Variants in CFAP44 observed in about 807,000 individuals in gnomAD.
The protein encoded by CFAP44 is cilia and flagella associated protein 44.
Under a neutral mutation model 216.2 loss-of-function variants are expected in CFAP44, and 134 were observed. The observed-to-expected ratio is 0.62, with a 90% CI of 0.54 to 0.72. CFAP44 has a LOEUF of 0.72. Among genes scored for constraint, CFAP44 ranks in the 30% least tolerant of loss-of-function variants. The pLI is 0.00. For missense variants in CFAP44, 2,035 were observed against 2,182.1 expected (o/e 0.93, Z 1.34); for synonymous variants, 700 against 727.6 (o/e 0.96, Z 0.61).
chr3:113,359,801 G>C (rs938286096), intron 21 of CFAP44, among the ~76,000 whole-genome samples: 3 of 151,968 alleles, frequency 2.0e-5, no homozygotes, highest in Non-Finnish European at 2.9e-5. Context: ...CCACTAGCAG[G>C]TACATGGGGC....
At chr3:113,387,889 A>G (rs1933691391) in intron 15 of CFAP44, among the ~76,000 whole-genome samples, 1 of 152,078 alleles carries the variant, frequency 6.6e-6, no homozygotes, top group Admixed American at 6.6e-5. Flanking sequence ...CTTGAGTGAG[A>G]ATCAGCAATA....
At chr3:113,345,524 A>G (rs1438366909) in intron 22 of CFAP44, among the ~76,000 whole-genome samples, 1 of 152,060 alleles carries the variant, frequency 6.6e-6, no homozygotes, top group South Asian at 2.1e-4. Flanking sequence ...TTGCCCCTCA[A>G]TTTTCCATGT....
chr3:113,377,006 TAAC>T (rs1188912168), intron 17 of CFAP44, among the ~76,000 whole-genome samples: 4 of 152,294 alleles, frequency 2.6e-5, no homozygotes, highest in East Asian at 1.9e-4. Flanking sequence ...TCTCCAATTA[TAAC>T]AATAGGCAAA....
chr3:113,311,326 T>C (rs1427811050), intron 28 of CFAP44, among the ~76,000 whole-genome samples: 6 of 152,224 alleles, frequency 3.9e-5, no homozygotes. Context: ...ACTCCAATAA[T>C]GCCCACATGT....
At chr3:113,403,028 T>A (rs1383666884) in intron 9 of CFAP44, among the ~76,000 whole-genome samples, 1 of 151,954 alleles carries the variant, frequency 6.6e-6, no homozygotes, top group African/African-American at 2.4e-5. Flanking sequence ...GTGGGAGATA[T>A]GGGTTAAACA....
chr3:113,286,964 G>A lies in CFAP44; in HGVS notation c.*4593C>T, dbSNP rs1046511504. Reference sequence around the variant, plus strand: ...AATTGGTATTTATTTTTCTATTATAGCCATATTTATATATTTATGCACTTG... The same window carrying A: ...AATTGGTATTTATTTTTCTATTATAACCATATTTATATATTTATGCACTTG... On this transcript the variant is annotated 3_prime_UTR_variant, in exon 35 of 35. Coordinates refer to ENST00000393845, the MANE Select transcript of CFAP44 (RefSeq NM_001164496.2). 1.7e-6 allele frequency: 2 copies of A among 1,153,402 alleles called. No homozygotes were observed. The highest frequency in any genetic ancestry group is 3.2e-5 in the African/African-American group (2 of 63,032). The allele number at this position is 1,153,402 out of a possible 1,614,324, so 71.4% of individuals were successfully genotyped here. A position where few individuals can be genotyped will look rare whatever the true frequency, so the allele number is the denominator to read the frequency against.
chr3:113,301,915 C>T (rs1191469896), intron 32 of CFAP44, among the ~76,000 whole-genome samples: 1 of 152,162 alleles, frequency 6.6e-6, no homozygotes, highest in Non-Finnish European at 1.5e-5. Flanking sequence ...TGACCAACAT[C>T]TCCCCAAACT....
chr3:113,306,176 TAA>T, intron 30 of CFAP44, 23 bp downstream of exon 30: 1 of 1,529,448 alleles, frequency 6.5e-7, no homozygotes, highest in East Asian at 2.5e-5. Context: ...TTTGAGAGGA[TAA>T]ATAAGTAAAC....
At chr3:113,386,712 C>T (rs898944890) in intron 15 of CFAP44, among the ~76,000 whole-genome samples, 4 of 152,182 alleles carry the variant, frequency 2.6e-5, no homozygotes, top group African/African-American at 7.2e-5. Flanking sequence ...TATCTACACA[C>T]ACACAAAAAC....
intron 18 of CFAP44, among the ~76,000 whole-genome samples, chr3:113,371,037 C>G (rs1418983664): frequency 1.3e-5 from 2 of 152,098 alleles, no homozygotes; most frequent in Non-Finnish European, 2.9e-5. Flanking sequence ...TGTGAAGGAC[C>G]TCTTCAAGGA....
intron 17 of CFAP44, among the ~76,000 whole-genome samples, chr3:113,374,656 A>T (rs1396205099): frequency 1.3e-5 from 2 of 152,108 alleles, no homozygotes; most frequent in Non-Finnish European, 1.5e-5. Context: ...TTGTTTTGAG[A>T]TGGGGTCTTA....
chr3:113,406,056 A>C (rs1934268030), intron 8 of CFAP44, among the ~76,000 whole-genome samples: 2 of 152,232 alleles, frequency 1.3e-5, no homozygotes, highest in South Asian at 2.1e-4. Context: ...TCTAATAGGA[A>C]GCTATGTAAA....
chr3:113,374,363 T>TTTTA (rs148186633), intron 17 of CFAP44, among the ~76,000 whole-genome samples: 9,580 of 146,698 alleles, frequency 0.065, 378 homozygotes, highest in Non-Finnish European at 0.073. Context: ...TGTCAATTTC[T>TTTTA]TTTATTTATT....
intron 28 of CFAP44, among the ~76,000 whole-genome samples, chr3:113,308,782 G>C (rs1950011263): frequency 6.6e-6 from 1 of 151,816 alleles, no homozygotes; most frequent in Non-Finnish European, 1.5e-5. Context: ...TTGTTTGTTT[G>C]TTTTGTAGAG....
rs553502282 is a variant in CFAP44, at chr3:113,348,118, C to A, written c.3066-3406G>T. Among the ~76,000 whole-genome samples the A allele has an allele frequency of 6.9e-4, 105 of 151,976 alleles. 1 individual carries two copies. Among genetic ancestry groups the A allele is most frequent in the African/African-American group, 2.5e-3 (102 of 41,438 alleles). ...CCAGGGACCATTGCAGGTTCTTGGG[C>A]AAGAGGGGTTTCTGCTGCTGCATTG... On this transcript the variant is annotated intron_variant, in intron 22 of 34. Coordinates refer to ENST00000393845, the MANE Select transcript of CFAP44 (RefSeq NM_001164496.2).
At chr3:113,391,828 G>A (rs952786342) in intron 15 of CFAP44, among the ~76,000 whole-genome samples, 1 of 152,132 alleles carries the variant, frequency 6.6e-6, no homozygotes, top group Non-Finnish European at 1.5e-5. Flanking sequence ...AATCATCAGA[G>A]AAATGCAAAT....
chr3:113,345,399 A>T (rs1342528714), intron 22 of CFAP44, among the ~76,000 whole-genome samples: 1 of 152,130 alleles, frequency 6.6e-6, no homozygotes, highest in Non-Finnish European at 1.5e-5. Flanking sequence ...TGTGGTGTAT[A>T]TATATGTGTG....
chr3:113,292,417 T>A (rs1211323820), intron 34 of CFAP44, among the ~76,000 whole-genome samples: 1 of 152,222 alleles, frequency 6.6e-6, no homozygotes, highest in Non-Finnish European at 1.5e-5. Flanking sequence ...TCCATATGAC[T>A]AAGTCTCATC....
At chr3:113,412,901 G>A (rs981512978) in intron 6 of CFAP44, among the ~76,000 whole-genome samples, 5 of 152,150 alleles carry the variant, frequency 3.3e-5, no homozygotes, top group African/African-American at 9.7e-5. Context: ...TAATGGTATT[G>A]CTGGGTCAAA....
Sources: allele counts gnomAD v4.1 joint callset (sites outside exome capture counted in the v4.1 genomes callset), GRCh38; gene constraint gnomAD v4.1.1; transcripts MANE v1.5; gene names NCBI Gene and HGNC (gene_info 2026-07-23, HGNC 2026-07-21).